SLC44A5: variants seen among roughly 807,000 people sequenced by gnomAD.
SLC44A5 encodes the protein solute carrier family 44 member 5, also known as choline transporter-like protein 5.
SLC44A5 carries 57 observed loss-of-function variants against 101.8 expected under a neutral mutation model. The ratio of observed to expected loss-of-function variants is 0.56; its 90% CI spans 0.45 to 0.70. SLC44A5 has a LOEUF of 0.70. SLC44A5 is among the 30% of genes least tolerant of loss of function. The pLI is 0.00. For missense variants in SLC44A5, 737 were observed against 853.1 expected, an observed-to-expected ratio of 0.86 and a Z score of 1.70; for synonymous variants, 281 against 290.9, an observed-to-expected ratio of 0.97 and a Z score of 0.35.
At chr1:75,698,219 C>G in the SLC44A5 span, among the ~76,000 whole-genome samples, 2 of 152,210 alleles carry the variant, frequency 1.3e-5, no homozygotes, top group African/African-American at 4.8e-5. Context: ...CAAACAAAAA[C>G]ACAGCAGTAA....
chr1:75,356,328 G>A (rs1452850167), intron 3 of SLC44A5, among the ~76,000 whole-genome samples: 2 of 151,958 alleles, frequency 1.3e-5, no homozygotes, highest in Non-Finnish European at 2.9e-5. Context: ...AGATGTGGAG[G>A]TGGAAGACAG....
intron 7 of SLC44A5, among the ~76,000 whole-genome samples, chr1:75,246,088 A>C (rs1649084373): frequency 6.6e-6 from 1 of 152,080 alleles, no homozygotes; most frequent in South Asian, 2.1e-4. Context: ...GCTAATTCTG[A>C]CTCAGTTCTG....
the SLC44A5 span, among the ~76,000 whole-genome samples, chr1:75,685,627 A>G: frequency 2.0e-5 from 3 of 152,304 alleles, no homozygotes; most frequent in South Asian, 6.2e-4. Flanking sequence ...GTCTCTAGGC[A>G]GTTCGAAACT....
chr1:75,486,072 A>G (rs1668133503), intron 2 of SLC44A5, among the ~76,000 whole-genome samples: 1 of 152,220 alleles, frequency 6.6e-6, no homozygotes, highest in South Asian at 2.1e-4. Context: ...TTCTAAAGTT[A>G]CATAAACTTA....
chr1:75,422,244 GTTC>G (rs1174434971), intron 2 of SLC44A5, among the ~76,000 whole-genome samples: 1 of 152,120 alleles, frequency 6.6e-6, no homozygotes, highest in African/African-American at 2.4e-5. Flanking sequence ...TCATCTAATA[GTTC>G]TTCTAAGAGA....
At chr1:75,271,867 C>A (rs1191128582) in intron 6 of SLC44A5, among the ~76,000 whole-genome samples, 1 of 151,970 alleles carries the variant, frequency 6.6e-6, no homozygotes, top group African/African-American at 2.4e-5. Context: ...GTAGACCTAC[C>A]TTTAGTTCTT....
chr1:75,424,986 A>G (rs890889984), intron 2 of SLC44A5, among the ~76,000 whole-genome samples: 1 of 152,260 alleles, frequency 6.6e-6, no homozygotes, highest in African/African-American at 2.4e-5. Flanking sequence ...CTTTGGTGGT[A>G]GGAAGCATTT....
intron 6 of SLC44A5, among the ~76,000 whole-genome samples, chr1:75,252,344 C>G (rs1649648629): frequency 2.0e-5 from 3 of 152,194 alleles, no homozygotes; most frequent in Admixed American, 2.0e-4. Context: ...TCCTACCACT[C>G]AAAATCAGTA....
the SLC44A5 span, among the ~76,000 whole-genome samples, chr1:75,633,559 C>A: frequency 6.6e-6 from 1 of 152,056 alleles, no homozygotes; most frequent in African/African-American, 2.4e-5. Flanking sequence ...GTGATTTTTG[C>A]ACATTGATTT....
chr1:75,348,367 G>C (rs1181871346), intron 3 of SLC44A5, among the ~76,000 whole-genome samples: 4 of 152,094 alleles, frequency 2.6e-5, no homozygotes, highest in Admixed American at 2.6e-4. Flanking sequence ...CCATGAGCAA[G>C]GGGGCCAGAA....
chr1:75,566,257 C>T (rs1416509381), intron 1 of SLC44A5, among the ~76,000 whole-genome samples: 2 of 152,122 alleles, frequency 1.3e-5, no homozygotes, highest in African/African-American at 4.8e-5. Context: ...GTGGCACCAC[C>T]TCAAGCCAGT....
chr1:75,283,236 C>T (rs940043533), intron 5 of SLC44A5, among the ~76,000 whole-genome samples: 22 of 151,842 alleles, frequency 1.4e-4, no homozygotes, highest in Non-Finnish European at 8.8e-5. Flanking sequence ...ATTTGCATTA[C>T]CCTGGTAATT....
intron 2 of SLC44A5, among the ~76,000 whole-genome samples, chr1:75,512,113 A>G (rs1042853496): frequency 6.6e-6 from 1 of 152,176 alleles, no homozygotes; most frequent in African/African-American, 2.4e-5. Flanking sequence ...CAGCCCACGT[A>G]AAAAATAAAA....
chr1:75,279,924 T>C (rs1045226651), intron 5 of SLC44A5, among the ~76,000 whole-genome samples: 5 of 151,590 alleles, frequency 3.3e-5, no homozygotes, highest in Middle Eastern at 3.2e-3. Flanking sequence ...CCCTAGAGTC[T>C]TCGAAGTACA....
chr1:75,587,994 A>C (rs181745646), intron 1 of SLC44A5, among the ~76,000 whole-genome samples: 1 of 152,192 alleles, frequency 6.6e-6, no homozygotes, highest in African/African-American at 2.4e-5. Context: ...AGGCAAGCCA[A>C]TGTGAGAAAC....
intron 1 of SLC44A5, among the ~76,000 whole-genome samples, chr1:75,580,582 G>C (rs888096587): frequency 4.6e-5 from 7 of 152,316 alleles, no homozygotes; most frequent in Middle Eastern, 3.4e-3. Context: ...GCTCACACCT[G>C]TAATCCCAGC....
In SLC44A5 at chr1:75,420,636, C is replaced by CT. The variant is rs1355646027; in HGVS notation, c.14-24016dup. 8.5e-5 allele frequency among the ~76,000 whole-genome samples: 13 copies of CT among 152,166 alleles called. No homozygotes were observed. The East Asian group carries it at 2.1e-3, about 25-fold the overall frequency. On this transcript the variant is annotated intron_variant, in intron 2 of 23. Transcript: ENST00000370859. ...TCCTCAATTTCTTAGGTTTTGAGTG[C>CT]TTTGAGTAGAGCCTATATGTTTTCA...
chr1:75,571,282 C>A (rs1673059163), intron 1 of SLC44A5, among the ~76,000 whole-genome samples: 1 of 151,892 alleles, frequency 6.6e-6, no homozygotes, highest in South Asian at 2.1e-4. Context: ...GGAAGTCTCC[C>A]AAGACATAGA....
chr1:75,580,344 T>C lies in SLC44A5; in HGVS notation c.-70+30696A>G, dbSNP rs1382119769. ...GAATTACCACGGGGTGGGTGTCCCATATGACTAGCTCTAAAATGTGTGGTT... is the reference window on the plus strand; with the variant it reads ...GAATTACCACGGGGTGGGTGTCCCACATGACTAGCTCTAAAATGTGTGGTT... On this transcript the variant is annotated intron_variant, in intron 1 of 23. Coordinates refer to ENST00000370859, the MANE Select transcript of SLC44A5 (RefSeq NM_001130058.2). Among the ~76,000 whole-genome samples, 4 of 152,184 alleles carry C rather than the reference T, an allele frequency of 2.6e-5. No homozygotes were observed. The East Asian group carries it at 7.7e-4, about 29-fold the overall frequency.
Sources: gnomAD v4.1 joint callset for allele counts (sites outside exome capture counted in the v4.1 genomes callset) on GRCh38, gnomAD v4.1.1 for gene constraint, MANE v1.5 for transcripts, NCBI Gene and HGNC (gene_info 2026-07-23, HGNC 2026-07-21) for gene names.